The following SPMIP6 variants were observed in gnomAD, a reference collection of about 807,000 sequenced individuals.
The protein encoded by SPMIP6 is sperm microtubule inner protein 6.
chr9:34,390,352 C>A, the SPMIP6 span, among the ~76,000 whole-genome samples: 2 of 152,018 alleles, frequency 1.3e-5, no homozygotes, highest in African/African-American at 4.8e-5. Flanking sequence ...TTAGTAACTG[C>A]TATTTCTGCA....
the SPMIP6 span, chr9:34,381,770 T>C: frequency 1.0e-6 from 1 of 985,280 alleles, no homozygotes; most frequent in South Asian, 4.7e-5. The surrounding 1 kb of genome is among the most constrained non-coding windows in gnomAD (Gnocchi z 4.4). Context: ...GTCTCTCTAA[T>C]AGGGGGTTTT....
the SPMIP6 span, chr9:34,390,187 AGAAGTAGT>A: frequency 6.6e-6 from 1 of 151,974 alleles, no homozygotes; most frequent in Non-Finnish European, 1.5e-5. Context: ...AATGCTGAAT[AGAAGTAGT>A]GAACATCCTT....
the SPMIP6 span, chr9:34,385,560 A>AAAT: frequency 3.0e-6 from 3 of 995,716 alleles, no homozygotes; most frequent in Non-Finnish European, 2.9e-6. Flanking sequence ...AAAAAAAAAA[A>AAAT]GGATAGAGGT....
chr9:34,382,858 T>A, the SPMIP6 span: 2 of 1,609,824 alleles, frequency 1.2e-6, no homozygotes, highest in Non-Finnish European at 1.7e-6. Flanking sequence ...TAGTTTGGGC[T>A]GCATTTGTCT....
chr9:34,384,486 G>A, the SPMIP6 span, among the ~76,000 whole-genome samples: 18 of 152,170 alleles, frequency 1.2e-4, no homozygotes, highest in Non-Finnish European at 2.2e-4. Flanking sequence ...ACAACAAAAC[G>A]AGTAGAGAGT....
At chr9:34,397,763 C>T in the SPMIP6 span, 1 of 907,236 alleles carries the variant, frequency 1.1e-6, no homozygotes, top group Non-Finnish European at 1.7e-6. Flanking sequence ...ATAATCCCCT[C>T]CTGCAGAGGA....
At chr9:34,379,778 A>C in the SPMIP6 span, 1 of 1,483,330 alleles carries the variant, frequency 6.7e-7, no homozygotes, top group Non-Finnish European at 9.4e-7. The surrounding 1 kb of genome is among the most constrained non-coding windows in gnomAD (Gnocchi z 4.2). Flanking sequence ...GGGCCTTTTG[A>C]CTCTCATCCC....
chr9:34,380,858 G>A, the SPMIP6 span: 487 of 1,533,290 alleles, frequency 3.2e-4, 2 homozygotes, highest in Middle Eastern at 1.7e-3. Flanking sequence ...GGGCTTGTGT[G>A]GGGTGGAGCC....
the SPMIP6 span, chr9:34,380,556 TG>T: frequency 1.6e-6 from 2 of 1,267,372 alleles, no homozygotes; most frequent in Non-Finnish European, 2.1e-6. Context: ...GCCAAGGAGA[TG>T]GGGGAAGAGG....
the SPMIP6 span, among the ~76,000 whole-genome samples, chr9:34,385,991 A>G: frequency 6.6e-6 from 1 of 152,054 alleles, no homozygotes; most frequent in Non-Finnish European, 1.5e-5. Flanking sequence ...CTTTTCATCC[A>G]AGGCTAGGGC....
At chr9:34,386,322 G>A in the SPMIP6 span, among the ~76,000 whole-genome samples, 2,918 of 152,242 alleles carry the variant, frequency 0.019, 59 homozygotes, top group East Asian at 0.056. Context: ...CCGGCTGGGC[G>A]TGGTGACTCA....
the SPMIP6 span, among the ~76,000 whole-genome samples, chr9:34,396,738 C>A: frequency 6.6e-6 from 1 of 152,150 alleles, no homozygotes; most frequent in Non-Finnish European, 1.5e-5. Context: ...GGTTGGGCAG[C>A]GCTCTCCCCT....
At chr9:34,397,480 C>A in the SPMIP6 span, 1 of 1,614,012 alleles carries the variant, frequency 6.2e-7, no homozygotes, top group South Asian at 1.1e-5. Flanking sequence ...CTGCCCCTCC[C>A]CACCAATCTC....
the SPMIP6 span, among the ~76,000 whole-genome samples, chr9:34,385,475 G>T: frequency 7.1e-6 from 1 of 141,558 alleles, no homozygotes; most frequent in African/African-American, 2.6e-5. Context: ...GAAGTGGGTT[G>T]CAGTGAGCCG....
At chr9:34,397,714 C>T in the SPMIP6 span, 1 of 1,423,228 alleles carries the variant, frequency 7.0e-7, no homozygotes. Context: ...TTCCCCTAGA[C>T]AGGCCACACC....
At chr9:34,391,732 G>T in the SPMIP6 span, among the ~76,000 whole-genome samples, 1 of 152,108 alleles carries the variant, frequency 6.6e-6, no homozygotes, top group Admixed American at 6.5e-5. Context: ...CAGTTATTTT[G>T]TATGATGTCA....
chr9:34,389,407 C>A, the SPMIP6 span, among the ~76,000 whole-genome samples: 1 of 152,212 alleles, frequency 6.6e-6, no homozygotes, highest in Middle Eastern at 3.2e-3. Context: ...AACTCATCTT[C>A]TTTAAGTGTG....
At chr9:34,379,315 G>C in the SPMIP6 span, 1 of 658,056 alleles carries the variant, frequency 1.5e-6, no homozygotes, top group Middle Eastern at 2.5e-4. The surrounding 1 kb of genome is among the most constrained non-coding windows in gnomAD (Gnocchi z 4.2). Context: ...CTGACCTCCT[G>C]ACCTTAGGTT....
the SPMIP6 span, chr9:34,381,018 C>T: frequency 3.7e-5 from 59 of 1,611,414 alleles, no homozygotes; most frequent in Admixed American, 9.5e-4. This position sits in a 1 kb window ranked among gnomAD's most constrained non-coding sequence, Gnocchi z 4.4. Context: ...CTTTCGTAAC[C>T]ATGGAAGGGC....
Sources: allele counts gnomAD v4.1 joint callset (sites outside exome capture counted in the v4.1 genomes callset), GRCh38; gene constraint gnomAD v4.1.1; non-coding constraint Gnocchi (gnomAD v3.1); transcripts MANE v1.5; gene names NCBI Gene and HGNC (gene_info 2026-07-23, HGNC 2026-07-21).